The following ZSWIM6 variants were observed in gnomAD, a reference collection of about 807,000 sequenced individuals.
ZSWIM6 encodes the protein zinc finger SWIM-type containing 6.
A neutral mutation model predicts 113.2 loss-of-function variants in ZSWIM6; 9 were observed. The ratio of observed to expected loss-of-function variants is 0.08; its 90% CI spans 0.05 to 0.14. The LOEUF (loss-of-function observed/expected upper bound fraction) is 0.14. Among genes scored for constraint, ZSWIM6 ranks in the 10% least tolerant of loss-of-function variants. The pLI is 1.00. For missense variants in ZSWIM6, 1,162 were observed against 1,552.2 expected (o/e 0.75, Z 4.22); for synonymous variants, 611 against 606.5 (o/e 1.01, Z -0.11).
At chr5:61,521,995 A>T (rs1229498780) in intron 5 of ZSWIM6, among the ~76,000 whole-genome samples, 1 of 151,896 alleles carries the variant, frequency 6.6e-6, no homozygotes, top group Non-Finnish European at 1.5e-5. Context: ...CACCTGCTGT[A>T]GGCTAATAGT....
chr5:61,431,401 ATCT>A (rs1220056573), intron 1 of ZSWIM6, among the ~76,000 whole-genome samples: 1 of 141,436 alleles, frequency 7.1e-6, no homozygotes, highest in African/African-American at 2.6e-5. Flanking sequence ...AAAAAAAATC[ATCT>A]TATGGTAAAT....
At chr5:61,402,519 TTTG>T (rs1400836661) in intron 1 of ZSWIM6, among the ~76,000 whole-genome samples, 3 of 150,872 alleles carry the variant, frequency 2.0e-5, no homozygotes, top group Non-Finnish European at 4.4e-5. Context: ...GAGATTCTAG[TTTG>T]TTTTTTTTTT....
rs1413871932 is a variant in ZSWIM6, at chr5:61,375,572, G to C, written c.676+42624G>C. On this transcript the variant is annotated intron_variant, in intron 1 of 13. Coordinates refer to ENST00000252744, the MANE Select transcript of ZSWIM6 (RefSeq NM_020928.2). ...TCCATGTCAGAAACTGAATCAGACA[G>C]TAAGGATAGTTTAAAAAAGAAAAAG... 3.9e-6 allele frequency: 6 copies of C among 1,530,042 alleles called. No individual in the cohort carries two copies. The East Asian group carries it at 1.5e-4, about 37-fold the overall frequency. The allele number at this position is 1,530,042 out of a possible 1,614,324, so 94.8% of individuals were successfully genotyped here.
chr5:61,509,016 T>TC (rs1748704624), intron 4 of ZSWIM6, among the ~76,000 whole-genome samples: 1 of 152,142 alleles, frequency 6.6e-6, no homozygotes, highest in African/African-American at 2.4e-5. Context: ...TAACAACACT[T>TC]CATGCCTTCT....
chr5:61,395,279 G>A (rs533198010), intron 1 of ZSWIM6, among the ~76,000 whole-genome samples: 1 of 152,192 alleles, frequency 6.6e-6, no homozygotes, highest in African/African-American at 2.4e-5. Flanking sequence ...AGGTATAAAA[G>A]TGTGTTGGTG....
chr5:61,384,535 AT>A (rs1199770131), intron 1 of ZSWIM6, among the ~76,000 whole-genome samples: 2 of 152,158 alleles, frequency 1.3e-5, no homozygotes, highest in East Asian at 3.8e-4. Context: ...AATTCATGAG[AT>A]TATGGGGTTT....
chr5:61,472,750 C>A lies in ZSWIM6; in HGVS notation c.746C>A (p.Ala249Asp). ...GAGCCAGAAACTGTTTGCAACGTGG[C>A]CATCAGCTTTGATCGTTGCAAGATT... Reference protein sequence around the residue: ...QSEPETVCNVAISFDRCKITS... With the variant: ...QSEPETVCNVDISFDRCKITS... Residue 249 changes from alanine (A) to aspartate (D), a missense_variant, in exon 2 of 14, where the codon GCC becomes GAC. Coordinates refer to ENST00000252744, the MANE Select transcript of ZSWIM6 (RefSeq NM_020928.2). This position sits in a 1 kb window ranked among gnomAD's most constrained non-coding sequence, Gnocchi z 4.1. The A allele has an allele frequency of 6.4e-7, 1 of 1,551,086 alleles. No individual in the cohort carries two copies. Among genetic ancestry groups the A allele is most frequent in the Non-Finnish European group, 8.7e-7 (1 of 1,146,622 alleles).
rs536481248 is a variant in ZSWIM6, at chr5:61,350,082, C to T, written c.676+17134C>T. Among the ~76,000 whole-genome samples the T allele has an allele frequency of 5.3e-5, 8 of 152,310 alleles. No homozygotes were observed. In the South Asian group the frequency reaches 1.7e-3, roughly 32 times the overall value. On this transcript the variant is annotated intron_variant, in intron 1 of 13. Coordinates refer to ENST00000252744, the MANE Select transcript of ZSWIM6 (RefSeq NM_020928.2). The stretch of plus-strand genomic sequence containing the variant: ...ACATGGGGTACTCCAGAGCAGTTTT[C>T]TGAACAATAATTTAACAATAGGGCT...
At chr5:61,464,131 A>T (rs1178158768) in intron 1 of ZSWIM6, among the ~76,000 whole-genome samples, 1 of 134,782 alleles carries the variant, frequency 7.4e-6, no homozygotes, top group Non-Finnish European at 1.5e-5. Flanking sequence ...AGCTGGGATT[A>T]CAGGTGCATG....
intron 1 of ZSWIM6, among the ~76,000 whole-genome samples, chr5:61,369,975 A>C (rs1745230691): frequency 6.6e-6 from 1 of 152,216 alleles, no homozygotes; most frequent in South Asian, 2.1e-4. Context: ...CTATAGCATA[A>C]ATCAGATTAT....
At chr5:61,356,127 G>T (rs528619626) in intron 1 of ZSWIM6, among the ~76,000 whole-genome samples, 178 of 152,134 alleles carry the variant, frequency 1.2e-3, no homozygotes, top group Non-Finnish European at 1.5e-3. Context: ...CAGAGATGGA[G>T]CCTTGCTCTG....
chr5:61,350,676 C>T (rs144151966), intron 1 of ZSWIM6, among the ~76,000 whole-genome samples: 13 of 152,230 alleles, frequency 8.5e-5, no homozygotes, highest in East Asian at 7.7e-4. Context: ...ACTTAAGTAA[C>T]GTATCATTTG....
chr5:61,463,464 C>T (rs566341947), intron 1 of ZSWIM6, among the ~76,000 whole-genome samples: 9 of 152,320 alleles, frequency 5.9e-5, no homozygotes, highest in Admixed American at 5.2e-4. Context: ...TGGACACCAG[C>T]ATTATCAGCA....
chr5:61,491,091 T>C (rs1453780582), intron 3 of ZSWIM6, among the ~76,000 whole-genome samples, 157 bp downstream of exon 3: 1 of 152,088 alleles, frequency 6.6e-6, no homozygotes, highest in Admixed American at 6.6e-5. Context: ...TGCAAGCTAT[T>C]TTTTCCTTAG....
intron 1 of ZSWIM6, among the ~76,000 whole-genome samples, chr5:61,387,832 A>C (rs1405949331): frequency 1.3e-5 from 2 of 150,788 alleles, no homozygotes; most frequent in Non-Finnish European, 3.0e-5. Context: ...AATTGCTTGA[A>C]CCCAGGAGGT....
Position 61,472,957 on chromosome 5 carries a change from A to G in ZSWIM6, c.953A>G (p.His318Arg). ...TTTGTACAGTATTTGATCACAGTGC[A>G]CCACACAGAAGTTTTGCCAACTGCT... ...QKFVQYLITV[H>R]HTEVLPTAQK... The change falls in exon 2 of 14, where the codon CAC (histidine) becomes CGC (arginine). Residue 318 changes from histidine to arginine, a missense_variant. Physicochemically the swap from His to Arg is conservative, Grantham distance 29. Transcript: ENST00000252744. The surrounding 1 kb of genome is among the most constrained non-coding windows in gnomAD (Gnocchi z 4.1). 1 of 1,549,222 alleles carries G rather than the reference A, an allele frequency of 6.5e-7. No individual in the cohort carries two copies. The highest frequency in any genetic ancestry group is 8.7e-7 in the Non-Finnish European group (1 of 1,145,726).
At chr5:61,370,447 G>C (rs532011207) in intron 1 of ZSWIM6, among the ~76,000 whole-genome samples, 1 of 152,068 alleles carries the variant, frequency 6.6e-6, no homozygotes, top group Admixed American at 6.6e-5. Context: ...TTTATATCTA[G>C]CTCTTTTTGG....
intron 4 of ZSWIM6, among the ~76,000 whole-genome samples, chr5:61,498,093 T>C (rs1239509874): frequency 6.6e-6 from 1 of 152,190 alleles, no homozygotes. Flanking sequence ...TTTACTTTGC[T>C]TCATAAAACT....
Position 61,539,812 on chromosome 5 carries a change from C to A in ZSWIM6, c.2703+53C>A, listed in dbSNP as rs971529462. 1.3e-4 allele frequency: 196 copies of A among 1,492,252 alleles called. 1 individual carries two copies. Among genetic ancestry groups the A allele is most frequent in the Middle Eastern group, 3.5e-4 (2 of 5,708 alleles). 92.4% of individuals were successfully genotyped at this position (1,492,252 alleles called of 1,614,324 possible). On this transcript the variant is annotated intron_variant, in intron 12 of 13. Coordinates refer to ENST00000252744, the MANE Select transcript of ZSWIM6 (RefSeq NM_020928.2). Reference sequence around the variant, plus strand: ...CATCAAAGACTGCTAAATAAAGGCACCTCTTAGGGTTGTTTTTGTTTGATT... The same window carrying A: ...CATCAAAGACTGCTAAATAAAGGCAACTCTTAGGGTTGTTTTTGTTTGATT...
Sources: allele counts gnomAD v4.1 joint callset (sites outside exome capture counted in the v4.1 genomes callset), GRCh38; gene constraint gnomAD v4.1.1; non-coding constraint Gnocchi (gnomAD v3.1); transcripts MANE v1.5; gene names NCBI Gene and HGNC (gene_info 2026-07-23, HGNC 2026-07-21).